The following JAK1 variants were observed in gnomAD, a reference collection of about 807,000 sequenced individuals.
The protein encoded by JAK1 is tyrosine-protein kinase JAK1.
Under a neutral mutation model 136.6 loss-of-function variants are expected in JAK1, and 16 were observed. That is an observed-to-expected ratio of 0.12 (90% CI 0.08 to 0.18). The LOEUF (loss-of-function observed/expected upper bound fraction) is 0.18, where lower values mean the gene tolerates loss of function less well. JAK1 is among the 10% of genes least tolerant of loss of function. The pLI is 1.00. For missense variants in JAK1, 859 were observed against 1,450.1 expected (o/e 0.59, Z 6.62); for synonymous variants, 492 against 519.5 (o/e 0.95, Z 0.72).
At chr1:65,018,495 C>CACACACACAA (rs1553181622) in intron 2 of JAK1, among the ~76,000 whole-genome samples, 6,305 of 149,028 alleles carry the variant, frequency 0.042, 450 homozygotes, top group African/African-American at 0.15. Flanking sequence ...AGAACACACA[C>CACACACACAA]ACACACACAC....
At chr1:64,871,357 C>T (rs1380828791) in intron 5 of JAK1, among the ~76,000 whole-genome samples, 3 of 152,128 alleles carry the variant, frequency 2.0e-5, no homozygotes, top group Non-Finnish European at 2.9e-5. Context: ...GGACCACCTA[C>T]GTATGCAGTT....
exon 1 of JAK1, chr1:65,067,624 G>GGCTCC (rs1245787751): frequency 2.0e-5 from 3 of 148,964 alleles, no homozygotes; most frequent in Non-Finnish European, 4.5e-5. Context: ...GGGGGTCCCG[G>GGCTCC]GCTCCCCTTC....
chr1:65,001,677 GT>G (rs376236412), intron 2 of JAK1, among the ~76,000 whole-genome samples: 47 of 120,110 alleles, frequency 3.9e-4, no homozygotes, highest in Middle Eastern at 4.1e-3. Flanking sequence ...AAGTGTGTGT[GT>G]GGGGGGGGGG....
Position 65,028,484 on chromosome 1 carries a change from G to T in JAK1, c.-78+15996C>A, listed in dbSNP as rs918062461. ...GGAAGAAAGGAAGAAAGGAAGGAAG[G>T]GAGGGAGGGAGGGAGGGAGGGAGGG... is the stretch of plus-strand genomic sequence containing the variant. On this transcript the variant is annotated intron_variant, in intron 2 of 25. Transcript: ENST00000671954. Among the ~76,000 whole-genome samples, 22 of 122,874 alleles carry T rather than the reference G, an allele frequency of 1.8e-4. 1 individual carries two copies. Among genetic ancestry groups the T allele is most frequent in the Admixed American group, 4.9e-4 (5 of 10,294 alleles). 80.6% of individuals were successfully genotyped at this position (122,874 alleles called of 152,430 possible).
At chr1:64,899,130 T>C (rs1327701978) in intron 1 of JAK1, among the ~76,000 whole-genome samples, 1 of 152,198 alleles carries the variant, frequency 6.6e-6, no homozygotes, top group Non-Finnish European at 1.5e-5. Flanking sequence ...TTCCTCTTAT[T>C]CTACTCATAA....
chr1:65,059,492 T>C lies in JAK1; in HGVS notation c.-181+8112A>G, dbSNP rs554874344. ...TTAGTAACATTGATATTTTTCACTA[T>C]AGTTTATGTCAATTCTATACCTATG... On this transcript the variant is annotated intron_variant, in intron 1 of 25. Transcript: ENST00000671954. 4.6e-5 allele frequency among the ~76,000 whole-genome samples: 7 copies of C among 152,356 alleles called. No individual in the cohort carries two copies. The East Asian group carries it at 7.7e-4, about 17-fold the overall frequency.
intron 12 of JAK1, 49 bp downstream of exon 12, chr1:64,850,755 G>A (rs201811546): frequency 1.5e-5 from 19 of 1,247,446 alleles, no homozygotes; most frequent in Middle Eastern, 1.9e-4. Context: ...CTGCTCCATC[G>A]TGGGGAGGCA....
At chr1:64,839,520 C>G (rs1020354107) in intron 20 of JAK1, 83 bp downstream of exon 20, 1 of 1,226,010 alleles carries the variant, frequency 8.2e-7, no homozygotes, top group East Asian at 2.5e-5. Flanking sequence ...GGTAAGGCCA[C>G]GGAGTGCCTG....
chr1:65,067,658 T>G (rs1648135904), exon 1 of JAK1: 1 of 149,770 alleles, frequency 6.7e-6, no homozygotes, highest in South Asian at 1.8e-4. Flanking sequence ...GCTATTTGCA[T>G]GAGGATTATC....
intron 3 of JAK1, 57 bp downstream of exon 3, chr1:64,883,220 T>A (rs7548407): frequency 0.03 from 42,436 of 1,411,168 alleles, 1,348 homozygotes; most frequent in African/African-American, 0.16. Context: ...GACCCCCAGA[T>A]CTTCTGAACT....
At chr1:65,049,652 G>A (rs969920580) in intron 1 of JAK1, among the ~76,000 whole-genome samples, 1 of 152,130 alleles carries the variant, frequency 6.6e-6, no homozygotes, top group African/African-American at 2.4e-5. Flanking sequence ...CCACAGATGG[G>A]TTGTGGAGGG....
intron 2 of JAK1, chr1:64,979,435 G>T (rs553581990): frequency 1.3e-5 from 2 of 152,238 alleles, no homozygotes; most frequent in South Asian, 4.1e-4. Context: ...AAATAGAAAA[G>T]AATTAGATGT....
intron 1 of JAK1, among the ~76,000 whole-genome samples, chr1:64,940,097 G>T (rs1645861051): frequency 6.6e-6 from 1 of 152,090 alleles, no homozygotes; most frequent in African/African-American, 2.4e-5. Context: ...ATGAGAGCAG[G>T]CACTACACAC....
chr1:64,877,239 T>C (rs1241322042), intron 4 of JAK1, among the ~76,000 whole-genome samples: 1 of 152,232 alleles, frequency 6.6e-6, no homozygotes, highest in African/African-American at 2.4e-5. Context: ...CCAACATTTA[T>C]TTTCATTTAC....
At chr1:64,857,830 T>G (rs772300037) in intron 9 of JAK1, 51 bp from the exon 10 acceptor site, 1 of 1,607,474 alleles carries the variant, frequency 6.2e-7, no homozygotes, top group South Asian at 1.1e-5. Context: ...AAACAGGACT[T>G]TGAACCTCTG....
chr1:64,858,876 A>T (rs988761386), intron 9 of JAK1, among the ~76,000 whole-genome samples: 1 of 152,198 alleles, frequency 6.6e-6, no homozygotes, highest in Non-Finnish European at 1.5e-5. Context: ...GTGGTCAAGG[A>T]AGACTTCACG....
chr1:64,883,773 T>C (rs1644811740), intron 2 of JAK1, among the ~76,000 whole-genome samples: 1 of 152,136 alleles, frequency 6.6e-6, no homozygotes, highest in African/African-American at 2.4e-5. Flanking sequence ...ATGGCCTGAA[T>C]TTATTTTCTC....
intron 8 of JAK1, among the ~76,000 whole-genome samples, 161 bp from the exon 9 acceptor site, chr1:64,860,423 T>C (rs575197220): frequency 3.3e-3 from 140 of 42,466 alleles, no homozygotes; most frequent in African/African-American, 7.8e-3. Flanking sequence ...TGCATGCATT[T>C]ATTTATTTAT....
chr1:64,931,056 G>A (rs1253004050), intron 1 of JAK1, among the ~76,000 whole-genome samples: 2 of 152,088 alleles, frequency 1.3e-5, no homozygotes, highest in African/African-American at 2.4e-5. Context: ...TAGATGACAG[G>A]TTGATGGGTG....
Sources: allele counts gnomAD v4.1 joint callset (sites outside exome capture counted in the v4.1 genomes callset), GRCh38; gene constraint gnomAD v4.1.1; transcripts MANE v1.5; gene names NCBI Gene and HGNC (gene_info 2026-07-23, HGNC 2026-07-21).